The following ZNF483 variants were observed in gnomAD, a reference collection of about 807,000 sequenced individuals.
ZNF483 encodes zinc finger protein HIT-10.
Under a neutral mutation model 28.6 loss-of-function variants are expected in ZNF483, and 9 were observed. The observed-to-expected ratio is 0.32, with a 90% CI of 0.19 to 0.55. The LOEUF (loss-of-function observed/expected upper bound fraction) is 0.55, where lower values mean the gene tolerates loss of function less well. ZNF483 is among the 20% of genes least tolerant of loss of function. ZNF483 has a pLI of 0.93. For missense variants in ZNF483, 675 were observed against 871.7 expected, an observed-to-expected ratio of 0.77 and a Z score of 2.84; for synonymous variants, 322 against 306.2, an observed-to-expected ratio of 1.05 and a Z score of -0.54.
chr9:111,564,275 CTTTTATTATTA>C (rs1317006247), intron 5 of ZNF483: 2 of 692,834 alleles, frequency 2.9e-6, no homozygotes, highest in Non-Finnish European at 3.7e-6. Context: ...GAAATTTAAA[CTTTTATTATTA>C]TTATTATTAT....
At chr9:111,533,088 G>A (rs939378788) in intron 3 of ZNF483, among the ~76,000 whole-genome samples, 1 of 152,114 alleles carries the variant, frequency 6.6e-6, no homozygotes, top group Non-Finnish European at 1.5e-5. Context: ...AGATATTATT[G>A]TACAGTTATT....
At chr9:111,569,898 T>C (rs1368776354) in intron 5 of ZNF483, 7 of 871,354 alleles carry the variant, frequency 8.0e-6, no homozygotes, top group African/African-American at 1.7e-5. Context: ...AAATGAACTT[T>C]AGAGAGGGTT....
chr9:111,562,271 G>C, intron 5 of ZNF483, among the ~76,000 whole-genome samples: 1 of 144,138 alleles, frequency 6.9e-6, no homozygotes, highest in East Asian at 2.0e-4. Flanking sequence ...CACAGAAGCA[G>C]TAAACTTTTT....
At chr9:111,570,758 G>A in intron 5 of ZNF483, among the ~76,000 whole-genome samples, 1 of 152,114 alleles carries the variant, frequency 6.6e-6, no homozygotes, top group African/African-American at 2.4e-5. Flanking sequence ...CAGTCTGGGT[G>A]ACAGAATGAG....
chr9:111,569,169 G>C (rs1254333354), intron 5 of ZNF483, among the ~76,000 whole-genome samples: 3 of 152,158 alleles, frequency 2.0e-5, no homozygotes, highest in Non-Finnish European at 4.4e-5. Flanking sequence ...GGAGAGCCAG[G>C]CTGGAGATAG....
intron 5 of ZNF483, chr9:111,574,435 G>T: frequency 5.9e-6 from 1 of 169,778 alleles, no homozygotes; most frequent in Non-Finnish European, 1.2e-5. Flanking sequence ...CTGCAGCCTC[G>T]CCTCCCAGGC....
chr9:111,560,684 G>A (rs539830978), intron 5 of ZNF483, among the ~76,000 whole-genome samples: 3 of 141,700 alleles, frequency 2.1e-5, no homozygotes, highest in South Asian at 2.3e-4. Flanking sequence ...TGGTTCACGC[G>A]TGTAATCCCA....
In ZNF483 at chr9:111,552,882, GT is replaced by G. The variant is rs35682656; in HGVS notation, c.*9716del. ...TTTAATGGTTTCATTGACGTTTTCA[GT>G]TTTCATGAATGTCTTTTAAGGTCTT... On this transcript the variant is annotated 3_prime_UTR_variant, in exon 6 of 6. Coordinates refer to ENST00000309235, the MANE Select transcript of ZNF483 (RefSeq NM_133464.5). Among the ~76,000 whole-genome samples, 7 of 152,098 alleles carry G rather than the reference GT, an allele frequency of 4.6e-5. No homozygotes were observed. The highest frequency in any genetic ancestry group is 7.4e-5 in the Non-Finnish European group (5 of 67,996).
chr9:111,547,204 T>G lies in ZNF483; in HGVS notation c.*4034T>G, dbSNP rs77025790. ...CTAGAAATAGAATTGCTGGATCTTA[T>G]GATGATTCTATATTTAACTTCTTGA... On this transcript the variant is annotated 3_prime_UTR_variant, in exon 6 of 6. Coordinates refer to ENST00000309235, the MANE Select transcript of ZNF483 (RefSeq NM_133464.5). Among the ~76,000 whole-genome samples, 2 of 152,170 alleles carry G rather than the reference T, an allele frequency of 1.3e-5. No individual in the cohort carries two copies. Among genetic ancestry groups the G allele is most frequent in the Non-Finnish European group, 2.9e-5 (2 of 67,980 alleles).
intron 5 of ZNF483, among the ~76,000 whole-genome samples, chr9:111,560,644 A>T (rs1391143148): frequency 6.9e-6 from 1 of 145,660 alleles, no homozygotes; most frequent in Non-Finnish European, 1.5e-5. Context: ...CTCAAAAAAA[A>T]AAAAAAAAAA....
At position 111,544,437 on chromosome 9, in the gene ZNF483, A is replaced by G. The variant is rs118141671; in HGVS notation, c.*1267A>G. ...ACTAAAAACAAAGCTTGTCTTAAAA[A>G]AAATTATAAGGGCTAACAACACTGG... On this transcript the variant is annotated 3_prime_UTR_variant, in exon 6 of 6. Coordinates refer to ENST00000309235, the MANE Select transcript of ZNF483 (RefSeq NM_133464.5). 0.013 allele frequency: 11,915 copies of G among 909,998 alleles called. 91 individuals are homozygous for G. Among genetic ancestry groups the G allele is most frequent in the Non-Finnish European group, 0.015 (11,365 of 760,936 alleles). 56.4% of individuals were successfully genotyped at this position (909,998 alleles called of 1,614,324 possible). A position where few individuals can be genotyped will look rare whatever the true frequency, so the allele number is the denominator to read the frequency against.
At chr9:111,538,754 T>C (rs1046882562) in intron 5 of ZNF483, among the ~76,000 whole-genome samples, 1 of 152,006 alleles carries the variant, frequency 6.6e-6, no homozygotes, top group African/African-American at 2.4e-5. Flanking sequence ...AAAAGTTATT[T>C]ACGACACACC....
At chr9:111,527,089 C>G (rs200180861) in intron 1 of ZNF483, among the ~76,000 whole-genome samples, 179 bp from the exon 2 acceptor site, 1 of 151,102 alleles carries the variant, frequency 6.6e-6, no homozygotes, top group Admixed American at 6.6e-5. Context: ...GCACCAAGAG[C>G]GAAACTCCGT....
intron 2 of ZNF483, among the ~76,000 whole-genome samples, chr9:111,528,360 T>C (rs1827232162): frequency 6.6e-6 from 1 of 152,256 alleles, no homozygotes; most frequent in Non-Finnish European, 1.5e-5. Context: ...TAGTAACTAT[T>C]TTATAGTGCA....
At chr9:111,534,965 G>A (rs999112227) in intron 5 of ZNF483, among the ~76,000 whole-genome samples, 1 of 151,806 alleles carries the variant, frequency 6.6e-6, no homozygotes, top group African/African-American at 2.4e-5. Context: ...CCTCGTGATC[G>A]GCCTGCCTCG....
chr9:111,568,684 G>A (rs561159083), intron 5 of ZNF483, among the ~76,000 whole-genome samples: 13 of 152,132 alleles, frequency 8.5e-5, no homozygotes, highest in African/African-American at 2.2e-4. Context: ...GGGTATCACG[G>A]TCCTACTGAT....
rs945803530 is a variant in ZNF483, at chr9:111,554,585, C to T, written c.*11415C>T. Among the ~76,000 whole-genome samples, 2 of 152,120 alleles carry T rather than the reference C, an allele frequency of 1.3e-5. No homozygotes were observed. The highest frequency in any genetic ancestry group is 2.4e-5 in the African/African-American group (1 of 41,432). ...TCTATGTTTTGTCAGTCTGATAACC[C>T]AAGAAGGCTACTAAGTGACTAACAG... On this transcript the variant is annotated 3_prime_UTR_variant, in exon 6 of 6. Transcript: ENST00000309235.
rs1349803405 is a variant in ZNF483 at position 111,554,442 on chromosome 9, T to A, written c.*11272T>A. Among the ~76,000 whole-genome samples, 1 of 152,228 alleles carries A rather than the reference T, an allele frequency of 6.6e-6. No individual in the cohort carries two copies. Among genetic ancestry groups the A allele is most frequent in the East Asian group, 1.9e-4 (1 of 5,196 alleles). ...TTTCTACCACAGTCTGTTCTTTCGGTCACCAAACTCTTTCTTCCCACACTT... is the reference window on the plus strand; with the variant it reads ...TTTCTACCACAGTCTGTTCTTTCGGACACCAAACTCTTTCTTCCCACACTT... On this transcript the variant is annotated 3_prime_UTR_variant, in exon 6 of 6. Coordinates refer to ENST00000309235, the MANE Select transcript of ZNF483 (RefSeq NM_133464.5).
chr9:111,541,582 TTCC>T (rs1827671003), intron 5 of ZNF483, 72 bp from the exon 6 acceptor site: 1 of 1,190,918 alleles, frequency 8.4e-7, no homozygotes, highest in Non-Finnish European at 1.2e-6. Context: ...TATTAATGTG[TTCC>T]TATTTCAGAC....
Sources: allele counts gnomAD v4.1 joint callset (sites outside exome capture counted in the v4.1 genomes callset), GRCh38; gene constraint gnomAD v4.1.1; transcripts MANE v1.5; gene names NCBI Gene and HGNC (gene_info 2026-07-23, HGNC 2026-07-21).